The following CACNA2D4 variants were observed in gnomAD, a reference collection of about 807,000 sequenced individuals.
The protein encoded by CACNA2D4 is voltage-dependent calcium channel subunit alpha-2/delta-4.
A neutral mutation model predicts 163.8 loss-of-function variants in CACNA2D4; 157 were observed. The observed-to-expected ratio is 0.96, with a 90% confidence interval of 0.84 to 1.09. The LOEUF (loss-of-function observed/expected upper bound fraction) is 1.09. Among genes scored for constraint, CACNA2D4 ranks in the 50% least tolerant of loss-of-function variants. CACNA2D4 has a pLI of 0.00. For missense variants in CACNA2D4, 1,410 were observed against 1,479.9 expected (o/e 0.95, Z 0.78); for synonymous variants, 598 against 586.9 (o/e 1.02, Z -0.27).
intron 31 of CACNA2D4, 61 bp from the exon 32 acceptor site, chr12:1,800,499 C>T: frequency 1.3e-6 from 2 of 1,513,694 alleles, no homozygotes; most frequent in South Asian, 1.1e-5. Flanking sequence ...TGCCCCCCCC[C>T]CACCACCAGC....
intron 26 of CACNA2D4, among the ~76,000 whole-genome samples, chr12:1,839,130 G>A (rs1395464899): frequency 1.3e-5 from 2 of 152,176 alleles, no homozygotes; most frequent in East Asian, 3.9e-4. Flanking sequence ...ACAGAGCCCA[G>A]CCGGCTCCTT....
At position 1,829,433 on chromosome 12, in the gene CACNA2D4, C is replaced by T. The variant is rs753103796; in HGVS notation, c.2551+11306G>A. ...GGAGACATGAGGTAACCCAAGATGG[C>T]CAGAAAAAGGGTCTCCGGTGGCTTC... On this transcript the variant is annotated intron_variant, in intron 26 of 37. Transcript: ENST00000382722. This position sits in a 1 kb window ranked among gnomAD's most constrained non-coding sequence, Gnocchi z 4.2. 2.0e-5 allele frequency among the ~76,000 whole-genome samples: 3 copies of T among 151,924 alleles called. No homozygotes were observed. Among genetic ancestry groups the T allele is most frequent in the Non-Finnish European group, 2.9e-5 (2 of 67,954 alleles).
intron 3 of CACNA2D4, among the ~76,000 whole-genome samples, chr12:1,911,666 G>C (rs1222207537): frequency 6.6e-6 from 1 of 152,200 alleles, no homozygotes; most frequent in African/African-American, 2.4e-5. Context: ...GAGAAAGTCT[G>C]CAGAGCAGCA....
In CACNA2D4 at chr12:1,917,190, G is replaced by A. The variant is rs796173183; in HGVS notation, c.227+1057C>T. ...TTGGGGAAGTCACCTGACCTCTCGGGGCCTCTGTTTCCTCAGCTGCAAAAT... is the reference window on the plus strand; with the variant it reads ...TTGGGGAAGTCACCTGACCTCTCGGAGCCTCTGTTTCCTCAGCTGCAAAAT... On this transcript the variant is annotated intron_variant, in intron 1 of 37. Transcript: ENST00000382722. This position sits in a 1 kb window ranked among gnomAD's most constrained non-coding sequence, Gnocchi z 4.3. 5.3e-5 allele frequency among the ~76,000 whole-genome samples: 8 copies of A among 152,208 alleles called. No homozygotes were observed. The highest frequency in any genetic ancestry group is 1.7e-4 in the African/African-American group (7 of 41,534).
At chr12:1,851,693 TTTC>T (rs61180942) in intron 23 of CACNA2D4, among the ~76,000 whole-genome samples, 78,288 of 119,826 alleles carry the variant, frequency 0.65, 25,609 homozygotes, top group Non-Finnish European at 0.73. Context: ...TTTTTTTTTT[TTTC>T]CAGAGATTTC....
intron 26 of CACNA2D4, among the ~76,000 whole-genome samples, chr12:1,822,662 T>C (rs971376036): frequency 6.6e-6 from 1 of 152,208 alleles, no homozygotes; most frequent in African/African-American, 2.4e-5. Context: ...GGGCATGTGT[T>C]TTAAAATGAA....
chr12:1,796,089 C>G, intron 35 of CACNA2D4: 1 of 293,208 alleles, frequency 3.4e-6, no homozygotes, highest in East Asian at 7.1e-5. Context: ...AGGCGTAAAT[C>G]AAGACCGTCC....
intron 6 of CACNA2D4, among the ~76,000 whole-genome samples, chr12:1,899,438 A>G (rs908252841): frequency 3.9e-5 from 6 of 152,172 alleles, no homozygotes; most frequent in Non-Finnish European, 7.4e-5. Context: ...GAAAAAATGC[A>G]TAATACTGTA....
At chr12:1,892,223 A>G (rs992812649) in intron 6 of CACNA2D4, among the ~76,000 whole-genome samples, 1 of 152,238 alleles carries the variant, frequency 6.6e-6, no homozygotes, top group Admixed American at 6.5e-5. Context: ...TTCTCAGCAG[A>G]AACCTTTCAG....
In CACNA2D4 at chr12:1,918,360, C is replaced by A. The variant is rs1211936715; in HGVS notation, c.114G>T (p.Gln38His). The change falls in exon 1 of 38, where the codon CAG (glutamine) becomes CAT (histidine). Residue 38 changes from glutamine to histidine, a missense_variant. Gln to His is a conservative substitution (Grantham distance 24). Transcript: ENST00000382722. Reference sequence around the variant, plus strand: ...CAAAGGCCCAGGCCACGGGCATTGGCTGGAGGGGAATCCAGCGGCTGCTGG... The same window carrying A: ...CAAAGGCCCAGGCCACGGGCATTGGATGGAGGGGAATCCAGCGGCTGCTGG... ...PSSSSRWIPLQPMPVAWAFVQ... is the reference protein window; with the variant it reads ...PSSSSRWIPLHPMPVAWAFVQ... 1.9e-6 allele frequency: 3 copies of A among 1,606,980 alleles called. No individual in the cohort carries two copies. In the African/African-American group the frequency reaches 4.0e-5, roughly 21 times the overall value.
intron 35 of CACNA2D4, 90 bp downstream of exon 35, chr12:1,797,328 C>T (rs2154445087): frequency 1.0e-6 from 1 of 956,830 alleles, no homozygotes; most frequent in South Asian, 1.4e-5. Flanking sequence ...GGAGCCGTTT[C>T]CCGGGGGTTC....
At chr12:1,861,699 T>A (rs1865528468) in intron 18 of CACNA2D4, among the ~76,000 whole-genome samples, 1 of 152,072 alleles carries the variant, frequency 6.6e-6, no homozygotes, top group Non-Finnish European at 1.5e-5. Flanking sequence ...TGCCTCGGCC[T>A]CCCAAAGTGG....
At chr12:1,893,409 C>T (rs1171465988) in intron 6 of CACNA2D4, among the ~76,000 whole-genome samples, 1 of 152,102 alleles carries the variant, frequency 6.6e-6, no homozygotes, top group Non-Finnish European at 1.5e-5. Context: ...ATCCCAGCTA[C>T]TTGGGAGACT....
chr12:1,827,178 C>T (rs545899928), intron 26 of CACNA2D4, among the ~76,000 whole-genome samples: 2 of 151,620 alleles, frequency 1.3e-5, no homozygotes, highest in South Asian at 4.2e-4. Flanking sequence ...ACATGCCAGT[C>T]CCCTGTCCCC....
chr12:1,868,358 A>G (rs969724549), intron 18 of CACNA2D4, among the ~76,000 whole-genome samples: 2 of 152,190 alleles, frequency 1.3e-5, no homozygotes, highest in Admixed American at 6.5e-5. Flanking sequence ...AGCCAGACAC[A>G]GAAAAAAATG....
intron 18 of CACNA2D4, among the ~76,000 whole-genome samples, chr12:1,871,074 C>T (rs977525798): frequency 6.6e-6 from 1 of 151,474 alleles, no homozygotes; most frequent in Admixed American, 6.6e-5. Flanking sequence ...GGTGTGTACG[C>T]ACGTGTTGCT....
chr12:1,824,882 T>C (rs1592679857), intron 26 of CACNA2D4, among the ~76,000 whole-genome samples: 1 of 152,176 alleles, frequency 6.6e-6, no homozygotes, highest in East Asian at 1.9e-4. Flanking sequence ...ATATGACTGG[T>C]GTTCCCTGCA....
chr12:1,793,693 C>G lies in CACNA2D4; in HGVS notation c.3376G>C (p.Val1126Leu). The change falls in exon 38 of 38, where the codon GTG (valine) becomes CTG (leucine). Residue 1126 changes from valine to leucine, a missense_variant. Transcript: ENST00000382722. ...TGGGGCAGTAGCCCCCAGGCACACA[C>G]AGGCAGCAGGAGTAGGGGCGGCGAG... is the stretch of plus-strand genomic sequence containing the variant. ...SASPPLLLLP[V>L]CAWGLLPQLL... The G allele has an allele frequency of 6.2e-7, 1 of 1,613,810 alleles. No individual in the cohort carries two copies. The highest frequency in any genetic ancestry group is 8.5e-7 in the Non-Finnish European group (1 of 1,179,902).
chr12:1,834,769 G>T lies in CACNA2D4; in HGVS notation c.2551+5970C>A. 1 of 1,528,866 alleles carries T rather than the reference G, an allele frequency of 6.5e-7. No individual in the cohort carries two copies. Among genetic ancestry groups the T allele is most frequent in the Non-Finnish European group, 8.8e-7 (1 of 1,141,438 alleles). The allele number at this position is 1,528,866 out of a possible 1,614,324, so 94.7% of individuals were successfully genotyped here. On this transcript the variant is annotated intron_variant, in intron 26 of 37. Transcript: ENST00000382722. The surrounding 1 kb of genome is among the most constrained non-coding windows in gnomAD (Gnocchi z 7.6). Reference sequence around the variant, plus strand: ...GTAGGAAGGGCGGGGAGAGCACACGGCATTGCTCAGCCACAGCTCCCACCT... The same window carrying T: ...GTAGGAAGGGCGGGGAGAGCACACGTCATTGCTCAGCCACAGCTCCCACCT...
Sources: gnomAD v4.1 joint callset for allele counts (sites outside exome capture counted in the v4.1 genomes callset) on GRCh38, gnomAD v4.1.1 for gene constraint, Gnocchi (gnomAD v3.1) non-coding constraint, MANE v1.5 for transcripts, NCBI Gene and HGNC (gene_info 2026-07-23, HGNC 2026-07-21) for gene names.